Variants in SHANK2 observed in about 807,000 individuals in gnomAD.
SHANK2 encodes the protein SH3 and multiple ankyrin repeat domains protein 2.
A neutral mutation model predicts 133.7 loss-of-function variants in SHANK2; 43 were observed. The observed-to-expected ratio is 0.32, with a 90% CI of 0.25 to 0.41. SHANK2 has a LOEUF of 0.41. Ranked by LOEUF, SHANK2 falls within the 10% of genes least tolerant of loss-of-function variation. The pLI is 1.00. For missense variants in SHANK2, 1,994 were observed against 2,235.8 expected, an observed-to-expected ratio of 0.89 and a Z score of 2.18; for synonymous variants, 1,017 against 952.8, an observed-to-expected ratio of 1.07 and a Z score of -1.24.
intron 1 of SHANK2, among the ~76,000 whole-genome samples, chr11:71,244,032 T>C (rs1954927692): frequency 6.6e-6 from 1 of 152,232 alleles, no homozygotes; most frequent in African/African-American, 2.4e-5. Context: ...AGTATTACTC[T>C]GATACCAAAA....
chr11:71,170,557 A>G (rs979862950), intron 2 of SHANK2, among the ~76,000 whole-genome samples: 2 of 152,204 alleles, frequency 1.3e-5, no homozygotes, highest in Non-Finnish European at 2.9e-5. Flanking sequence ...AGAAACTATG[A>G]TCTAATGTGC....
chr11:71,091,211 G>A (rs1951513375), intron 8 of SHANK2, among the ~76,000 whole-genome samples: 1 of 152,194 alleles, frequency 6.6e-6, no homozygotes, highest in Non-Finnish European at 1.5e-5. Flanking sequence ...CTGCCTGCGG[G>A]CTCCAGCTTG....
chr11:70,716,903 C>G lies in SHANK2; in HGVS notation c.1778-18140G>C, dbSNP rs1029600396. Among the ~76,000 whole-genome samples, 92 of 150,926 alleles carry G rather than the reference C, an allele frequency of 6.1e-4. 3 individuals carry two copies. The highest frequency in any genetic ancestry group is 2.5e-3 in the Admixed American group (38 of 15,214). ...CTGGACCGGGTCCCGGAGCCCCCCC[C>G]CCGCCCAACTGGACCCCTCCCAGCC... On this transcript the variant is annotated intron_variant, in intron 14 of 25. Transcript: ENST00000601538.
At chr11:70,524,959 A>G (rs975991962) in intron 17 of SHANK2, among the ~76,000 whole-genome samples, 57 of 152,200 alleles carry the variant, frequency 3.7e-4, no homozygotes, top group African/African-American at 1.4e-3. Flanking sequence ...ACATTTGAAC[A>G]TTTTCTCCAG....
chr11:70,847,019 C>T (rs1949007027), intron 11 of SHANK2, among the ~76,000 whole-genome samples: 1 of 152,222 alleles, frequency 6.6e-6, no homozygotes, highest in Non-Finnish European at 1.5e-5. Flanking sequence ...CAGCTGGGGC[C>T]TGGGCATTCC....
In SHANK2 at chr11:70,484,375, G is replaced by GT. The variant is rs566274482; in HGVS notation, c.4979+938_4979+939insA. 2.4e-3 allele frequency among the ~76,000 whole-genome samples: 365 copies of GT among 152,190 alleles called. 4 individuals are homozygous for GT. Among genetic ancestry groups the GT allele is most frequent in the African/African-American group, 8.4e-3 (350 of 41,524 alleles). The stretch of plus-strand genomic sequence containing the variant: ...TACATAGTGAGCTCTCATGAGATCA[G>GT]GTTGTTTAAATAGACTGTGGTACCT... On this transcript the variant is annotated intron_variant, in intron 25 of 25. Transcript: ENST00000601538.
intron 2 of SHANK2, among the ~76,000 whole-genome samples, chr11:71,204,225 A>T (rs1555117623): frequency 7.0e-6 from 1 of 142,554 alleles, no homozygotes; most frequent in Non-Finnish European, 1.5e-5. Context: ...AAAGTCAAAG[A>T]TGTAAATCCA....
At chr11:70,584,104 G>A (rs1591611173) in intron 17 of SHANK2, among the ~76,000 whole-genome samples, 1 of 152,122 alleles carries the variant, frequency 6.6e-6, no homozygotes, top group African/African-American at 2.4e-5. Context: ...CCTGTGACTC[G>A]GGTCTACCTG....
chr11:71,109,608 C>A (rs1590921384), intron 6 of SHANK2, among the ~76,000 whole-genome samples: 1 of 152,246 alleles, frequency 6.6e-6, no homozygotes, highest in Non-Finnish European at 1.5e-5. Context: ...CCTTTACAAA[C>A]ATACGTGTCT....
intron 15 of SHANK2, among the ~76,000 whole-genome samples, chr11:70,696,755 T>C (rs1179259404): frequency 2.6e-5 from 4 of 152,210 alleles, no homozygotes; most frequent in African/African-American, 9.6e-5. Context: ...GTCAGCATTA[T>C]AACTGAGTCC....
At chr11:71,109,160 C>T (rs1325773837) in intron 6 of SHANK2, among the ~76,000 whole-genome samples, 2 of 152,120 alleles carry the variant, frequency 1.3e-5, no homozygotes, top group African/African-American at 4.8e-5. Flanking sequence ...GACAGCCCAC[C>T]TGAGGGGGCA....
chr11:70,875,274 C>G (rs116897040), intron 11 of SHANK2, among the ~76,000 whole-genome samples: 2,654 of 152,152 alleles, frequency 0.017, 27 homozygotes, highest in Non-Finnish European at 0.028. Flanking sequence ...CAGCGTCACT[C>G]ACTCCGCCCC....
rs142460625 is a variant in SHANK2 at position 70,524,716 on chromosome 11, G to A, written c.2062-21785C>T. Among the ~76,000 whole-genome samples, 643 of 152,294 alleles carry A rather than the reference G, an allele frequency of 4.2e-3. 8 individuals carry two copies. The highest frequency in any genetic ancestry group is 0.015 in the African/African-American group (620 of 41,572). ...ATGAGCAGGAAGTAGCAAATGCTTC[G>A]GATGCCTTCTATGCAAAGAAGGGTG... On this transcript the variant is annotated intron_variant, in intron 17 of 25. Transcript: ENST00000601538.
chr11:70,734,241 T>C (rs549011249), intron 14 of SHANK2, among the ~76,000 whole-genome samples: 11 of 152,310 alleles, frequency 7.2e-5, no homozygotes, highest in African/African-American at 2.6e-4. Flanking sequence ...GAACTGGCTA[T>C]GCGAGGAGAT....
chr11:70,544,968 C>T (rs571913595), intron 17 of SHANK2, among the ~76,000 whole-genome samples: 2 of 152,324 alleles, frequency 1.3e-5, no homozygotes, highest in African/African-American at 4.8e-5. Context: ...GCTGCTGTGT[C>T]TCCTGCTGGG....
At chr11:70,515,036 A>G (rs782093485) in intron 17 of SHANK2, among the ~76,000 whole-genome samples, 5 of 152,202 alleles carry the variant, frequency 3.3e-5, no homozygotes, top group Admixed American at 6.5e-5. Context: ...AATGGCTGTT[A>G]ATATCAGACA....
intron 14 of SHANK2, among the ~76,000 whole-genome samples, chr11:70,717,634 G>A (rs568380844): frequency 1.3e-5 from 2 of 152,220 alleles, no homozygotes; most frequent in East Asian, 3.9e-4. Flanking sequence ...AAAGAACAAA[G>A]GCTCCGCACA....
chr11:71,238,142 C>T (rs559552771), intron 1 of SHANK2, among the ~76,000 whole-genome samples: 16 of 152,344 alleles, frequency 1.1e-4, no homozygotes, highest in African/African-American at 3.1e-4. Context: ...CTGAACCCTA[C>T]GCACTCATGA....
At chr11:70,679,674 G>T (rs112085680) in intron 15 of SHANK2, among the ~76,000 whole-genome samples, 1 of 152,260 alleles carries the variant, frequency 6.6e-6, no homozygotes, top group Non-Finnish European at 1.5e-5. Context: ...GCCATCTGTC[G>T]TGCTGACTAT....
Sources: allele counts gnomAD v4.1 joint callset (sites outside exome capture counted in the v4.1 genomes callset), GRCh38; gene constraint gnomAD v4.1.1; transcripts MANE v1.5; gene names NCBI Gene and HGNC (gene_info 2026-07-23, HGNC 2026-07-21).